Variants in QKI observed in about 807,000 individuals in gnomAD.
The protein encoded by QKI is QKI, KH domain containing RNA binding.
Under a neutral mutation model 39.0 loss-of-function variants are expected in QKI, and 10 were observed. The observed-to-expected ratio is 0.26, with a 90% CI of 0.16 to 0.43. The LOEUF (loss-of-function observed/expected upper bound fraction) is 0.43, where lower values mean the gene tolerates loss of function less well. QKI is among the 20% of genes least tolerant of loss of function. QKI has a pLI of 1.00. For missense variants in QKI, 218 were observed against 428.0 expected, an observed-to-expected ratio of 0.51 and a Z score of 4.33; for synonymous variants, 204 against 155.4, an observed-to-expected ratio of 1.31 and a Z score of -2.33.
chr6:163,443,836 C>T (rs959800093), intron 1 of QKI, among the ~76,000 whole-genome samples: 6 of 152,080 alleles, frequency 3.9e-5, no homozygotes, highest in African/African-American at 1.4e-4. Flanking sequence ...AAATTATTAC[C>T]TAGGAAAAAG....
intron 3 of QKI, among the ~76,000 whole-genome samples, chr6:163,517,775 C>T (rs1001851317): frequency 2.0e-5 from 3 of 152,044 alleles, no homozygotes; most frequent in African/African-American, 4.8e-5. Flanking sequence ...GGTATCACAC[C>T]GGATAACTAA....
chr6:163,515,394 CAT>C (rs1779731929), intron 3 of QKI, among the ~76,000 whole-genome samples: 1 of 151,742 alleles, frequency 6.6e-6, no homozygotes, highest in Admixed American at 6.6e-5. Flanking sequence ...ACTCTTGTCA[CAT>C]GTGTTTTGGA....
At chr6:163,418,094 CT>C (rs919609202) in intron 1 of QKI, among the ~76,000 whole-genome samples, 202 of 140,582 alleles carry the variant, frequency 1.4e-3, no homozygotes, top group Non-Finnish European at 1.4e-3. Flanking sequence ...TTAGGCATTA[CT>C]TTTTTTTTTT....
At chr6:163,566,412 AAT>A in intron 6 of QKI, 1 of 1,239,626 alleles carries the variant, frequency 8.1e-7, no homozygotes, top group Non-Finnish European at 1.0e-6. Context: ...CACTTCAGTG[AAT>A]ATGTGACTAG....
intron 4 of QKI, among the ~76,000 whole-genome samples, chr6:163,552,636 A>G (rs1782312638): frequency 6.6e-6 from 1 of 152,168 alleles, no homozygotes; most frequent in Admixed American, 6.5e-5. Flanking sequence ...TGCATGGTTC[A>G]AGCCCATCCA....
intron 4 of QKI, among the ~76,000 whole-genome samples, chr6:163,539,315 G>GT (rs904182568): frequency 9.9e-5 from 15 of 151,978 alleles, no homozygotes; most frequent in South Asian, 8.3e-4. Context: ...CAGTCAATTT[G>GT]TTTTTTTTGG....
intron 4 of QKI, among the ~76,000 whole-genome samples, chr6:163,554,820 C>T (rs1385221239): frequency 6.6e-6 from 1 of 152,218 alleles, no homozygotes; most frequent in African/African-American, 2.4e-5. Context: ...AGTTCATCCT[C>T]TCTGTTGCCT....
intron 4 of QKI, among the ~76,000 whole-genome samples, chr6:163,537,645 C>A (rs1348713707): frequency 6.6e-6 from 1 of 152,124 alleles, no homozygotes; most frequent in Admixed American, 6.6e-5. Flanking sequence ...TTTTCTTGTT[C>A]GTTCAGTATT....
intron 6 of QKI, chr6:163,564,322 A>G (rs1427610688): frequency 9.8e-7 from 1 of 1,024,094 alleles, no homozygotes; most frequent in African/African-American, 1.6e-5. Context: ...GACATAGATG[A>G]TATCGTTTAC....
intron 4 of QKI, among the ~76,000 whole-genome samples, chr6:163,555,834 T>G (rs901957100): frequency 6.6e-6 from 1 of 151,916 alleles, no homozygotes; most frequent in African/African-American, 2.4e-5. Flanking sequence ...TGTTGTAGTT[T>G]TTTTTTAAAA....
At chr6:163,447,396 A>G (rs775780771) in intron 1 of QKI, among the ~76,000 whole-genome samples, 23 of 152,176 alleles carry the variant, frequency 1.5e-4, no homozygotes, top group Non-Finnish European at 1.8e-4. Flanking sequence ...GAAATATACA[A>G]TGTATTAGTT....
chr6:163,552,671 A>T (rs150962762), intron 4 of QKI, among the ~76,000 whole-genome samples: 150 of 152,236 alleles, frequency 9.9e-4, no homozygotes, highest in African/African-American at 3.4e-3. Flanking sequence ...TCAGCGGCGT[A>T]CTCATATATG....
intron 1 of QKI, among the ~76,000 whole-genome samples, chr6:163,436,022 C>G (rs979257360): frequency 2.0e-5 from 3 of 152,092 alleles, no homozygotes; most frequent in African/African-American, 7.2e-5. Context: ...AGTGTTTAAT[C>G]CAGAATTTAG....
rs1280278074 is a variant in QKI at position 163,570,562 on chromosome 6, C to T, written c.1010-132C>T. The T allele has an allele frequency of 1.0e-5, 15 of 1,430,010 alleles. No individual in the cohort carries two copies. The East Asian group carries it at 3.5e-4, about 34-fold the overall frequency. 88.6% of individuals were successfully genotyped at this position (1,430,010 alleles called of 1,614,324 possible). On this transcript the variant is annotated intron_variant, in intron 7 of 7. Transcript: ENST00000361752. ...TGTCAATCAGTTTGTCAGAATTAAA[C>T]ATGCTTTTTTTTTTATTAGTTGTGA...
At chr6:163,537,316 G>C (rs1171734356) in intron 4 of QKI, among the ~76,000 whole-genome samples, 2 of 152,152 alleles carry the variant, frequency 1.3e-5, no homozygotes, top group African/African-American at 2.4e-5. Context: ...CTCTGTAAAA[G>C]TTTGTTGTTT....
intron 6 of QKI, chr6:163,564,476 C>T: frequency 7.0e-7 from 1 of 1,420,074 alleles, no homozygotes; most frequent in East Asian, 2.5e-5. Flanking sequence ...TTTTGGAGTC[C>T]TAGTCATATT....
At chr6:163,436,789 CAAAAAAAAA>C (rs60899517) in intron 1 of QKI, among the ~76,000 whole-genome samples, 57 of 89,444 alleles carry the variant, frequency 6.4e-4, no homozygotes, top group Middle Eastern at 6.8e-3. Flanking sequence ...GACTCCGTCT[CAAAAAAAAA>C]AAAAAAAAAA....
At chr6:163,503,502 TC>T (rs1347383021) in intron 3 of QKI, among the ~76,000 whole-genome samples, 9 of 152,118 alleles carry the variant, frequency 5.9e-5, no homozygotes, top group African/African-American at 2.2e-4. Context: ...GAATATTTTC[TC>T]CCACTCTGTA....
At chr6:163,475,365 A>G (rs1295177653) in intron 2 of QKI, among the ~76,000 whole-genome samples, 1 of 152,200 alleles carries the variant, frequency 6.6e-6, no homozygotes, top group East Asian at 1.9e-4. Context: ...TTCCTAAGCA[A>G]TGCAGCATAA....
Sources: allele counts gnomAD v4.1 joint callset (sites outside exome capture counted in the v4.1 genomes callset), GRCh38; gene constraint gnomAD v4.1.1; transcripts MANE v1.5; gene names NCBI Gene and HGNC (gene_info 2026-07-23, HGNC 2026-07-21).